The following RAB38 variants were observed in gnomAD, a reference collection of about 807,000 sequenced individuals.
RAB38 encodes the protein ras-related protein Rab-38.
In RAB38, 15 loss-of-function variants were observed where a neutral mutation model predicts 18.4. The ratio of observed to expected loss-of-function variants is 0.82; its 90% CI spans 0.55 to 1.26. The LOEUF (loss-of-function observed/expected upper bound fraction) is 1.26. Ranked by LOEUF, RAB38 falls within the 50% of genes most tolerant of loss-of-function variation. RAB38 has a pLI of 0.00. For missense variants in RAB38, 294 were observed against 267.4 expected (o/e 1.10, Z -0.69); for synonymous variants, 101 against 104.4 (o/e 0.97, Z 0.20).
At chr11:88,103,954 G>T in the RAB38 span, among the ~76,000 whole-genome samples, 2 of 152,086 alleles carry the variant, frequency 1.3e-5, no homozygotes, top group East Asian at 3.9e-4. Flanking sequence ...TCGTCAGTGA[G>T]GGTGGAAGAC....
At chr11:87,903,420 C>T in the RAB38 span, among the ~76,000 whole-genome samples, 1 of 151,372 alleles carries the variant, frequency 6.6e-6, no homozygotes, top group East Asian at 2.0e-4. Flanking sequence ...CTGATTTCTT[C>T]ATAAGATATT....
chr11:87,816,300 G>C, the RAB38 span: 177 of 152,472 alleles, frequency 1.2e-3, 1 homozygote, highest in African/African-American at 4.1e-3. Context: ...CCTTCTATTT[G>C]TGGGGGTCTA....
At chr11:88,154,956 C>A (rs527258037) in intron 1 of RAB38, among the ~76,000 whole-genome samples, 2 of 152,184 alleles carry the variant, frequency 1.3e-5, no homozygotes, top group African/African-American at 2.4e-5. Context: ...GCAGAGATTG[C>A]GGTGCAAGGA....
chr11:88,052,923 T>TCATATATATTTC, the RAB38 span, among the ~76,000 whole-genome samples: 1 of 23,680 alleles, frequency 4.2e-5, no homozygotes, highest in Non-Finnish European at 6.9e-5. Context: ...TATATATATA[T>TCATATATATTTC]ATATATATAT....
chr11:87,821,271 G>A, the RAB38 span, among the ~76,000 whole-genome samples: 1 of 152,182 alleles, frequency 6.6e-6, no homozygotes. Context: ...AAGAAGAGTT[G>A]ATTTTGCAGA....
the RAB38 span, among the ~76,000 whole-genome samples, chr11:88,035,365 T>TC: frequency 8.4e-3 from 1,280 of 152,332 alleles, 18 homozygotes; most frequent in African/African-American, 0.029. Context: ...AGATTTTTTT[T>TC]CTCAGAAACA....
chr11:88,106,832 G>A, the RAB38 span, among the ~76,000 whole-genome samples: 72 of 152,132 alleles, frequency 4.7e-4, no homozygotes, highest in Non-Finnish European at 7.1e-4. Flanking sequence ...GAAATTTTCC[G>A]GTTGCTTGGG....
At chr11:88,009,268 A>G in the RAB38 span, among the ~76,000 whole-genome samples, 2 of 152,174 alleles carry the variant, frequency 1.3e-5, no homozygotes, top group Admixed American at 1.3e-4. Context: ...AAAATCAAGC[A>G]TAAGCATATA....
the RAB38 span, among the ~76,000 whole-genome samples, chr11:87,964,265 GGTCA>G: frequency 2.6e-5 from 4 of 152,104 alleles, no homozygotes; most frequent in African/African-American, 9.7e-5. Context: ...TCAGTCAGCA[GGTCA>G]GCAGTAGCCT....
chr11:88,005,585 G>GTT, the RAB38 span, among the ~76,000 whole-genome samples: 42 of 147,540 alleles, frequency 2.8e-4, 1 homozygote, highest in South Asian at 5.1e-3. Context: ...CTGTGCAGAA[G>GTT]TTTTTTTTTT....
chr11:87,955,941 AACAAG>A, the RAB38 span, among the ~76,000 whole-genome samples: 1 of 152,076 alleles, frequency 6.6e-6, no homozygotes, highest in Non-Finnish European at 1.5e-5. Flanking sequence ...ATTTTCTCTT[AACAAG>A]ACATGTCAAA....
At chr11:88,129,958 T>C (rs981939975) in intron 2 of RAB38, among the ~76,000 whole-genome samples, 13 of 152,180 alleles carry the variant, frequency 8.5e-5, no homozygotes, top group African/African-American at 3.1e-4. Context: ...GCCATAAATT[T>C]TGAACCAAGG....
At chr11:88,169,333 G>C (rs1347496089) in intron 1 of RAB38, among the ~76,000 whole-genome samples, 1 of 152,142 alleles carries the variant, frequency 6.6e-6, no homozygotes, top group Non-Finnish European at 1.5e-5. Flanking sequence ...TGCATACATT[G>C]TTTGTATTTC....
At chr11:88,119,112 C>T (rs551405467) in intron 2 of RAB38, among the ~76,000 whole-genome samples, 1 of 152,224 alleles carries the variant, frequency 6.6e-6, no homozygotes, top group African/African-American at 2.4e-5. Flanking sequence ...TATAACTTCT[C>T]AATCCTGGCT....
chr11:87,929,417 C>T, the RAB38 span, among the ~76,000 whole-genome samples: 1 of 151,778 alleles, frequency 6.6e-6, no homozygotes, highest in Admixed American at 6.6e-5. Context: ...AAAGGTTTCA[C>T]CCTATTTCCT....
chr11:87,973,252 A>C, the RAB38 span, among the ~76,000 whole-genome samples: 1 of 152,222 alleles, frequency 6.6e-6, no homozygotes, highest in African/African-American at 2.4e-5. Flanking sequence ...AAGAGAACAT[A>C]TTTTGTCCAT....
chr11:87,972,197 A>G, the RAB38 span, among the ~76,000 whole-genome samples: 7 of 152,198 alleles, frequency 4.6e-5, 1 homozygote, highest in African/African-American at 1.7e-4. Flanking sequence ...AAGGTGCCCC[A>G]CACTTCAGGA....
the RAB38 span, among the ~76,000 whole-genome samples, chr11:88,068,866 G>A: frequency 6.6e-6 from 1 of 152,188 alleles, no homozygotes; most frequent in Non-Finnish European, 1.5e-5. Context: ...AAGCTCTCCT[G>A]GGTATGGTAC....
the RAB38 span, among the ~76,000 whole-genome samples, chr11:88,093,735 CCTTATGATGG>C: frequency 2.0e-5 from 3 of 151,828 alleles, no homozygotes; most frequent in African/African-American, 7.2e-5. Flanking sequence ...AAAAGCACAC[CCTTATGATGG>C]CTTCAATCCA....
Sources: gnomAD v4.1 joint callset for allele counts (sites outside exome capture counted in the v4.1 genomes callset) on GRCh38, gnomAD v4.1.1 for gene constraint, MANE v1.5 for transcripts, NCBI Gene and HGNC (gene_info 2026-07-23, HGNC 2026-07-21) for gene names.